Variants in ARHGAP15 observed in about 807,000 individuals in gnomAD.
The protein encoded by ARHGAP15 is rho GTPase-activating protein 15.
Under a neutral mutation model 63.7 loss-of-function variants are expected in ARHGAP15, and 51 were observed. The observed-to-expected ratio is 0.80, with a 90% CI of 0.64 to 1.01. The LOEUF is 1.01. Among genes scored for constraint, ARHGAP15 ranks in the 50% least tolerant of loss-of-function variants. ARHGAP15 has a pLI of 0.00. For synonymous variants in ARHGAP15, 191 were observed against 193.8 expected (o/e 0.99, Z 0.12); for missense variants, 560 against 564.6 (o/e 0.99, Z 0.08).
At chr2:143,447,910 C>T (rs562494795) in intron 8 of ARHGAP15, among the ~76,000 whole-genome samples, 10 of 152,216 alleles carry the variant, frequency 6.6e-5, no homozygotes, top group Non-Finnish European at 1.0e-4. Context: ...GTTTGGGTTC[C>T]TCCAGAAGCA....
In ARHGAP15 at chr2:143,487,355, AT is replaced by A; in HGVS notation, c.704-11del. 1 of 1,588,232 alleles carries A rather than the reference AT, an allele frequency of 6.3e-7. No homozygotes were observed. The highest frequency in any genetic ancestry group is 1.2e-5 in the South Asian group (1 of 85,094). ...AGGAGAAATTTACCAAAAGCCTCTGATTTTTTTAAATCTTCAGTGTTCAGAC... is the reference window on the plus strand; with the variant it reads ...AGGAGAAATTTACCAAAAGCCTCTGATTTTTTAAATCTTCAGTGTTCAGAC... On this transcript the variant is annotated splice_polypyrimidine_tract_variant and intron_variant, in intron 8 of 13. Transcript: ENST00000295095.
intron 11 of ARHGAP15, among the ~76,000 whole-genome samples, chr2:143,603,541 G>A (rs187797565): frequency 6.6e-6 from 1 of 152,158 alleles, no homozygotes; most frequent in East Asian, 1.9e-4. Context: ...TAGGGAGATC[G>A]GGAGCACATT....
chr2:143,480,929 T>A (rs1365694610), intron 8 of ARHGAP15: 1 of 152,190 alleles, frequency 6.6e-6, no homozygotes, highest in Non-Finnish European at 1.5e-5. Flanking sequence ...TGGGATAAGG[T>A]GCTCTTATTT....
At chr2:143,550,506 C>A (rs1695511738) in intron 10 of ARHGAP15, among the ~76,000 whole-genome samples, 1 of 152,178 alleles carries the variant, frequency 6.6e-6, no homozygotes, top group Non-Finnish European at 1.5e-5. Context: ...TGTGGTTAAG[C>A]TACTCAAAGC....
intron 8 of ARHGAP15, among the ~76,000 whole-genome samples, chr2:143,462,712 T>A (rs1322993773): frequency 6.6e-6 from 1 of 152,098 alleles, no homozygotes; most frequent in African/African-American, 2.4e-5. Context: ...GACCAAACAG[T>A]CATTGTAGAA....
At chr2:143,675,201 T>G (rs1348149982) in intron 12 of ARHGAP15, among the ~76,000 whole-genome samples, 1 of 152,220 alleles carries the variant, frequency 6.6e-6, no homozygotes, top group African/African-American at 2.4e-5. Flanking sequence ...TCATGAGATT[T>G]GAGCAAATTA....
At chr2:143,707,833 TTAAA>T (rs1333636284) in intron 13 of ARHGAP15, among the ~76,000 whole-genome samples, 1 of 152,228 alleles carries the variant, frequency 6.6e-6, no homozygotes, top group Non-Finnish European at 1.5e-5. Context: ...GTGTTAAATG[TTAAA>T]TAAAATCAGA....
At chr2:143,270,244 C>T (rs1681206877) in intron 6 of ARHGAP15, among the ~76,000 whole-genome samples, 1 of 152,136 alleles carries the variant, frequency 6.6e-6, no homozygotes, top group South Asian at 2.1e-4. Flanking sequence ...TATTCTTAAC[C>T]AACTACATAT....
At chr2:143,680,731 T>C (rs1010072807) in intron 12 of ARHGAP15, among the ~76,000 whole-genome samples, 2 of 152,128 alleles carry the variant, frequency 1.3e-5, no homozygotes, top group Admixed American at 1.3e-4. Context: ...ATTCCAAATC[T>C]CCTTAAAATG....
At chr2:143,157,142 C>T (rs1690113306) in intron 2 of ARHGAP15, among the ~76,000 whole-genome samples, 2 of 151,850 alleles carry the variant, frequency 1.3e-5, no homozygotes, top group South Asian at 4.1e-4. Flanking sequence ...AATTATCCAC[C>T]TCAATAGCCT....
intron 13 of ARHGAP15, among the ~76,000 whole-genome samples, chr2:143,712,190 G>A (rs1684611572): frequency 6.6e-6 from 1 of 152,168 alleles, no homozygotes; most frequent in East Asian, 1.9e-4. Flanking sequence ...AGCAGTAGAT[G>A]CAACAGAACA....
intron 6 of ARHGAP15, among the ~76,000 whole-genome samples, chr2:143,355,963 G>A (rs1260390557): frequency 2.0e-5 from 3 of 151,784 alleles, no homozygotes; most frequent in Non-Finnish European, 4.4e-5. Context: ...TTTAAGCTAT[G>A]CCATTACGCT....
At chr2:143,344,964 C>CT (rs957050374) in intron 6 of ARHGAP15, among the ~76,000 whole-genome samples, 6 of 152,092 alleles carry the variant, frequency 3.9e-5, no homozygotes, top group African/African-American at 1.2e-4. Context: ...GAACACAAGA[C>CT]TTGAAGTTGA....
At chr2:143,446,720 T>C (rs1000650753) in intron 8 of ARHGAP15, among the ~76,000 whole-genome samples, 22 of 152,044 alleles carry the variant, frequency 1.4e-4, no homozygotes, top group Admixed American at 1.4e-3. Context: ...GCTGGTGCGC[T>C]GCACCCCTTA....
At chr2:143,431,512 A>T (rs1689388162) in intron 6 of ARHGAP15, among the ~76,000 whole-genome samples, 1 of 152,034 alleles carries the variant, frequency 6.6e-6, no homozygotes, top group African/African-American at 2.4e-5. Context: ...TTCTGATACA[A>T]TCAACGTTTA....
intron 6 of ARHGAP15, among the ~76,000 whole-genome samples, chr2:143,415,396 T>C (rs370416069): frequency 6.6e-6 from 1 of 151,830 alleles, no homozygotes; most frequent in East Asian, 1.9e-4. Flanking sequence ...AAAAATATAT[T>C]TGCAAGGAGG....
chr2:143,341,687 A>G (rs1245693126), intron 6 of ARHGAP15, among the ~76,000 whole-genome samples: 1 of 152,112 alleles, frequency 6.6e-6, no homozygotes, highest in African/African-American at 2.4e-5. Context: ...CTTACTCTGC[A>G]TTAATGCTAA....
At chr2:143,754,892 C>T (rs1686514998) in intron 13 of ARHGAP15, among the ~76,000 whole-genome samples, 1 of 152,190 alleles carries the variant, frequency 6.6e-6, no homozygotes, top group Admixed American at 6.5e-5. Flanking sequence ...AAACACAGTC[C>T]TTTGCAACTC....
intron 6 of ARHGAP15, among the ~76,000 whole-genome samples, chr2:143,398,501 G>T (rs763917189): frequency 2.6e-5 from 4 of 152,070 alleles, no homozygotes; most frequent in Non-Finnish European, 4.4e-5. Flanking sequence ...GCATAATGCT[G>T]TATATGATTG....
Sources: allele counts gnomAD v4.1 joint callset (sites outside exome capture counted in the v4.1 genomes callset), GRCh38; gene constraint gnomAD v4.1.1; transcripts MANE v1.5; gene names NCBI Gene and HGNC (gene_info 2026-07-23, HGNC 2026-07-21).